Variants in KCNMB2 observed in about 807,000 individuals in gnomAD.
The protein encoded by KCNMB2 is calcium-activated potassium channel subunit beta-2.
KCNMB2 carries 9 observed loss-of-function variants against 24.5 expected under a neutral mutation model. The observed-to-expected ratio is 0.37, with a 90% CI of 0.22 to 0.64. The LOEUF is 0.64. Among genes scored for constraint, KCNMB2 ranks in the 30% least tolerant of loss-of-function variants. KCNMB2 has a pLI of 0.63. For synonymous variants in KCNMB2, 109 were observed against 104.4 expected, an observed-to-expected ratio of 1.04 and a Z score of -0.27; for missense variants, 226 against 284.3, an observed-to-expected ratio of 0.79 and a Z score of 1.47.
chr3:178,710,363 C>T (rs75031550), intron 1 of KCNMB2, among the ~76,000 whole-genome samples: 1 of 152,070 alleles, frequency 6.6e-6, no homozygotes. Context: ...CTACCTTGAA[C>T]TACCCATATT....
intron 1 of KCNMB2, among the ~76,000 whole-genome samples, chr3:178,787,377 T>C (rs1435482434): frequency 6.6e-6 from 1 of 152,196 alleles, no homozygotes; most frequent in African/African-American, 2.4e-5. Context: ...GTATGTACTG[T>C]TGCATACGCA....
chr3:178,684,115 G>A (rs901786799), intron 1 of KCNMB2, among the ~76,000 whole-genome samples: 7 of 152,096 alleles, frequency 4.6e-5, no homozygotes, highest in Admixed American at 2.6e-4. Context: ...TCCATCACCA[G>A]ATGAATGGAT....
chr3:178,839,983 A>C (rs552231142), intron 4 of KCNMB2, among the ~76,000 whole-genome samples: 3 of 152,146 alleles, frequency 2.0e-5, no homozygotes, highest in Non-Finnish European at 4.4e-5. Context: ...TCCAAGTCCA[A>C]AGTCTCATCT....
chr3:178,801,274 G>A (rs1713765624), intron 1 of KCNMB2, among the ~76,000 whole-genome samples: 1 of 152,048 alleles, frequency 6.6e-6, no homozygotes, highest in South Asian at 2.1e-4. Flanking sequence ...TTGTATGCCT[G>A]TATCAAAATA....
intron 1 of KCNMB2, among the ~76,000 whole-genome samples, chr3:178,540,661 T>G (rs766414178): frequency 2.6e-5 from 4 of 152,218 alleles, no homozygotes; most frequent in Non-Finnish European, 5.9e-5. Context: ...TAAAGAATTC[T>G]TCCCCTGCAT....
chr3:178,656,364 T>A (rs1720343526), intron 1 of KCNMB2, among the ~76,000 whole-genome samples: 1 of 152,212 alleles, frequency 6.6e-6, no homozygotes, highest in Admixed American at 6.5e-5. Flanking sequence ...TCCTATAAAG[T>A]AGAAATTATC....
At chr3:178,725,208 TCTC>T (rs953083362) in intron 1 of KCNMB2, among the ~76,000 whole-genome samples, 1 of 152,078 alleles carries the variant, frequency 6.6e-6, no homozygotes, top group African/African-American at 2.4e-5. Flanking sequence ...GTTTTATAGT[TCTC>T]CTCATAGAAA....
chr3:178,679,556 G>A (rs897222873), intron 1 of KCNMB2, among the ~76,000 whole-genome samples: 12 of 152,174 alleles, frequency 7.9e-5, no homozygotes, highest in African/African-American at 2.7e-4. Flanking sequence ...TCTACACAAA[G>A]CTCAGAGTGA....
At chr3:178,778,464 A>ACGCACGTGCGCGCGCGCGCGCGCG (rs1560017822) in intron 1 of KCNMB2, among the ~76,000 whole-genome samples, 775 of 61,222 alleles carry the variant, frequency 0.013, 17 homozygotes, top group Middle Eastern at 0.029. Flanking sequence ...AGACACACAC[A>ACGCACGTGCGCGCGCGCGCGCGCG]CACACACACA....
chr3:178,664,228 G>T (rs1017891953), intron 1 of KCNMB2, among the ~76,000 whole-genome samples: 1 of 151,870 alleles, frequency 6.6e-6, no homozygotes, highest in Non-Finnish European at 1.5e-5. Flanking sequence ...GGAGGAGGAG[G>T]GTCAAGATTA....
intron 1 of KCNMB2, among the ~76,000 whole-genome samples, chr3:178,790,917 A>G (rs1291729834): frequency 3.3e-5 from 5 of 152,242 alleles, no homozygotes; most frequent in Admixed American, 2.0e-4. Flanking sequence ...GGTATCCCAT[A>G]ATGCAGATAC....
At chr3:178,817,465 G>C (rs9857688) in intron 2 of KCNMB2, among the ~76,000 whole-genome samples, 39,639 of 151,532 alleles carry the variant, frequency 0.26, 6,933 homozygotes, top group African/African-American at 0.5. Flanking sequence ...GAAGGCAGAA[G>C]AATGGCTGTG....
At chr3:178,645,519 G>A (rs1301554375) in intron 1 of KCNMB2, among the ~76,000 whole-genome samples, 1 of 152,178 alleles carries the variant, frequency 6.6e-6, no homozygotes, top group Non-Finnish European at 1.5e-5. Context: ...GTCAATGAAG[G>A]GGAAAATATC....
At chr3:178,833,891 AC>A (rs1251174125) in intron 4 of KCNMB2, among the ~76,000 whole-genome samples, 1 of 152,120 alleles carries the variant, frequency 6.6e-6, no homozygotes, top group Non-Finnish European at 1.5e-5. Context: ...TCTGGGAGCT[AC>A]AAGAGGGCTC....
chr3:178,601,348 A>G (rs1353617894), intron 1 of KCNMB2, among the ~76,000 whole-genome samples: 1 of 152,102 alleles, frequency 6.6e-6, no homozygotes, highest in Non-Finnish European at 1.5e-5. Context: ...TATAATAAAA[A>G]TAAATAAATA....
Position 178,640,587 on chromosome 3 carries a change from A to T in KCNMB2, c.-68+103876A>T, listed in dbSNP as rs563837513. On this transcript the variant is annotated intron_variant, in intron 1 of 4. Transcript: ENST00000452583. The stretch of plus-strand genomic sequence containing the variant: ...ATCACTAAGTCTCTATGCCTTGAAA[A>T]TTTTCCTCTTTTTTTGTTTATATAT... 4.6e-5 allele frequency among the ~76,000 whole-genome samples: 7 copies of T among 152,038 alleles called. No homozygotes were observed. In the East Asian group the frequency reaches 1.4e-3, roughly 29 times the overall value.
At chr3:178,809,729 T>C (rs1197168745) in intron 2 of KCNMB2, among the ~76,000 whole-genome samples, 1 of 152,228 alleles carries the variant, frequency 6.6e-6, no homozygotes, top group Admixed American at 6.5e-5. Flanking sequence ...TTTGTGGAGT[T>C]TGAAAGGTGT....
At chr3:178,793,536 C>T (rs1304253002) in intron 1 of KCNMB2, among the ~76,000 whole-genome samples, 1 of 151,220 alleles carries the variant, frequency 6.6e-6, no homozygotes, top group African/African-American at 2.4e-5. Flanking sequence ...CAATGGACAG[C>T]AGAAGGACTC....
At chr3:178,790,017 G>A (rs1713260977) in intron 1 of KCNMB2, among the ~76,000 whole-genome samples, 2 of 151,450 alleles carry the variant, frequency 1.3e-5, no homozygotes, top group South Asian at 2.1e-4. Flanking sequence ...TGCTTGAGGA[G>A]AGGTAAGGGG....
Sources: gnomAD v4.1 joint callset for allele counts (sites outside exome capture counted in the v4.1 genomes callset) on GRCh38, gnomAD v4.1.1 for gene constraint, MANE v1.5 for transcripts, NCBI Gene and HGNC (gene_info 2026-07-23, HGNC 2026-07-21) for gene names.